Variants in PAPPA2 observed in about 807,000 individuals in gnomAD.
The protein encoded by PAPPA2 is pappalysin-2.
Under a neutral mutation model 176.4 loss-of-function variants are expected in PAPPA2, and 86 were observed. That is an observed-to-expected ratio of 0.49 (90% CI 0.41 to 0.58). PAPPA2 has a LOEUF of 0.58. Ranked by LOEUF, PAPPA2 falls within the 20% of genes least tolerant of loss-of-function variation. PAPPA2 has a pLI of 0.00. For synonymous variants in PAPPA2, 809 were observed against 852.2 expected (o/e 0.95, Z 0.88); for missense variants, 2,073 against 2,256.9 (o/e 0.92, Z 1.65).
At position 176,515,681 on chromosome 1, in the gene PAPPA2, G is replaced by A. The variant is rs78985257; in HGVS notation, c.-916-39726G>A. ...AATACCCACTGCACTGGGCGAGGCT[G>A]GCTTTGAGATGCAGTAAGCTTCATT... is the stretch of plus-strand genomic sequence containing the variant. On this transcript the variant is annotated intron_variant, in intron 1 of 22. Transcript: ENST00000367662. Among the ~76,000 whole-genome samples, 324 of 152,276 alleles carry A rather than the reference G, an allele frequency of 2.1e-3. 4 individuals carry two copies. Among genetic ancestry groups the A allele is most frequent in the African/African-American group, 7.5e-3 (312 of 41,558 alleles).
intron 6 of PAPPA2, among the ~76,000 whole-genome samples, chr1:176,693,952 A>G (rs569559251): frequency 6.6e-6 from 1 of 152,306 alleles, no homozygotes; most frequent in East Asian, 1.9e-4. Flanking sequence ...CGTTACGATA[A>G]AGCAGACATC....
intron 1 of PAPPA2, among the ~76,000 whole-genome samples, chr1:176,528,260 A>G (rs1649603789): frequency 6.6e-6 from 1 of 152,158 alleles, no homozygotes; most frequent in Non-Finnish European, 1.5e-5. Flanking sequence ...TCTGGTGACT[A>G]TACTCTCCTG....
At chr1:176,590,534 A>G (rs888345257) in intron 2 of PAPPA2, among the ~76,000 whole-genome samples, 1 of 152,098 alleles carries the variant, frequency 6.6e-6, no homozygotes, top group African/African-American at 2.4e-5. Context: ...CATCACAGCT[A>G]ATGTTTATTA....
intron 1 of PAPPA2, among the ~76,000 whole-genome samples, chr1:176,508,979 G>A (rs1270742401): frequency 2.0e-5 from 3 of 151,624 alleles, no homozygotes; most frequent in East Asian, 1.9e-4. Flanking sequence ...GTGTGAAAAC[G>A]GACTAATACA....
chr1:176,489,281 A>G (rs951548804), intron 1 of PAPPA2, among the ~76,000 whole-genome samples: 2 of 152,230 alleles, frequency 1.3e-5, no homozygotes, highest in African/African-American at 4.8e-5. Context: ...AAGACCAGCC[A>G]TGAGTTGGAA....
chr1:176,577,882 C>G (rs1205851105), intron 2 of PAPPA2, among the ~76,000 whole-genome samples: 1 of 152,056 alleles, frequency 6.6e-6, no homozygotes, highest in Non-Finnish European at 1.5e-5. Context: ...AAACTTGCAC[C>G]ACACAGCATG....
At chr1:176,764,712 T>C (rs1182086104) in intron 14 of PAPPA2, among the ~76,000 whole-genome samples, 3 of 151,626 alleles carry the variant, frequency 2.0e-5, no homozygotes, top group African/African-American at 7.3e-5. Context: ...TTCTCCTGCC[T>C]CAGCCTCCCT....
chr1:176,806,140 G>A (rs1426517416), intron 21 of PAPPA2, among the ~76,000 whole-genome samples: 1 of 152,136 alleles, frequency 6.6e-6, no homozygotes, highest in Non-Finnish European at 1.5e-5. Flanking sequence ...AAGTTTGGGA[G>A]GAAATTTCCA....
chr1:176,543,914 A>T (rs913685059), intron 1 of PAPPA2, among the ~76,000 whole-genome samples: 5 of 152,206 alleles, frequency 3.3e-5, no homozygotes, highest in African/African-American at 1.2e-4. Flanking sequence ...GTGGACTTCA[A>T]GGCTGTAAGG....
intron 21 of PAPPA2, among the ~76,000 whole-genome samples, chr1:176,816,259 A>C (rs2102968434): frequency 7.0e-6 from 1 of 142,904 alleles, no homozygotes; most frequent in African/African-American, 2.6e-5. Context: ...ATATATATGT[A>C]TGTATGTACA....
intron 21 of PAPPA2, among the ~76,000 whole-genome samples, chr1:176,816,241 G>GTATATATATATATA: frequency 1.8e-5 from 2 of 113,518 alleles, no homozygotes; most frequent in African/African-American, 7.8e-5. Flanking sequence ...GTGTGTGTGT[G>GTATATATATATATA]TATATATATA....
chr1:176,702,938 G>T (rs185693592), intron 9 of PAPPA2, among the ~76,000 whole-genome samples: 1 of 152,182 alleles, frequency 6.6e-6, no homozygotes, highest in Admixed American at 6.5e-5. Context: ...GTTGTGTCAG[G>T]TCTTGAGATC....
intron 1 of PAPPA2, among the ~76,000 whole-genome samples, chr1:176,467,345 CCTTTT>C (rs1651672131): frequency 6.6e-6 from 1 of 152,172 alleles, no homozygotes. Context: ...CTTTTCTCCT[CCTTTT>C]CTTTTCAGTT....
chr1:176,814,595 T>C (rs914878483), intron 21 of PAPPA2, among the ~76,000 whole-genome samples: 8 of 152,222 alleles, frequency 5.3e-5, no homozygotes, highest in Non-Finnish European at 1.2e-4. Flanking sequence ...TGTCTGTTTT[T>C]AGTGTACAGG....
At chr1:176,620,155 G>A (rs1655504271) in intron 3 of PAPPA2, among the ~76,000 whole-genome samples, 1 of 152,178 alleles carries the variant, frequency 6.6e-6, no homozygotes, top group Non-Finnish European at 1.5e-5. Flanking sequence ...GTGGAATGGT[G>A]TGAGGGGTCT....
chr1:176,810,099 A>G (rs1002559095), intron 21 of PAPPA2, among the ~76,000 whole-genome samples: 8 of 152,078 alleles, frequency 5.3e-5, no homozygotes, highest in African/African-American at 1.9e-4. Context: ...CTAAAAAGTG[A>G]AATGAAATAT....
intron 21 of PAPPA2, among the ~76,000 whole-genome samples, chr1:176,809,281 T>C (rs555208667): frequency 3.9e-4 from 60 of 152,302 alleles, no homozygotes; most frequent in African/African-American, 1.3e-3. Context: ...CCAAAGGAAT[T>C]TATGTAGGAA....
At chr1:176,827,384 G>GA (rs1666899549) in intron 21 of PAPPA2, among the ~76,000 whole-genome samples, 1 of 152,138 alleles carries the variant, frequency 6.6e-6, no homozygotes, top group South Asian at 2.1e-4. Flanking sequence ...ATTTGAAAGA[G>GA]AAAACCACAG....
intron 3 of PAPPA2, among the ~76,000 whole-genome samples, chr1:176,619,994 C>T (rs999988044): frequency 9.2e-5 from 14 of 152,148 alleles, no homozygotes; most frequent in Non-Finnish European, 2.9e-5. Context: ...GACAAGCTAT[C>T]ATAATATAGG....
Sources: allele counts gnomAD v4.1 joint callset (sites outside exome capture counted in the v4.1 genomes callset), GRCh38; gene constraint gnomAD v4.1.1; transcripts MANE v1.5; gene names NCBI Gene and HGNC (gene_info 2026-07-23, HGNC 2026-07-21).